The following C2orf69 variants were observed in gnomAD, a reference collection of about 807,000 sequenced individuals.
C2orf69 encodes mitochondrial protein C2orf69.
Under a neutral mutation model 29.5 loss-of-function variants are expected in C2orf69, and 19 were observed. The ratio of observed to expected loss-of-function variants is 0.65; its 90% CI spans 0.45 to 0.95. C2orf69 has a LOEUF of 0.95. C2orf69 is among the 40% of genes least tolerant of loss of function. The pLI is 0.00. For missense variants in C2orf69, 416 were observed against 482.1 expected, an observed-to-expected ratio of 0.86 and a Z score of 1.28; for synonymous variants, 194 against 180.0, an observed-to-expected ratio of 1.08 and a Z score of -0.62.
At chr2:199,921,891 C>A (rs2077317576) in intron 1 of C2orf69, among the ~76,000 whole-genome samples, 1 of 151,232 alleles carries the variant, frequency 6.6e-6, no homozygotes, top group Admixed American at 6.6e-5. Context: ...GTAGTATTTA[C>A]TAGTTTTTAT....
At position 199,925,920 on chromosome 2, in the gene C2orf69, A is replaced by C; in HGVS notation, c.*34A>C. On this transcript the variant is annotated 3_prime_UTR_variant, in exon 2 of 2. Coordinates refer to ENST00000319974, the MANE Select transcript of C2orf69 (RefSeq NM_153689.6). The surrounding 1 kb of genome is among the most constrained non-coding windows in gnomAD (Gnocchi z 4.9). ...GTATATTAATGAACTTGTTCAGTGG[A>C]AGAACATAAGCACTTTTGAGTGTTA... 7.3e-7 allele frequency: 1 copy of C among 1,372,236 alleles called. No homozygotes were observed. Among genetic ancestry groups the C allele is most frequent in the Non-Finnish European group, 1.0e-6 (1 of 980,684 alleles). 85.0% of individuals were successfully genotyped at this position (1,372,236 alleles called of 1,614,324 possible).
chr2:199,922,104 T>C (rs2077319149), intron 1 of C2orf69, among the ~76,000 whole-genome samples: 1 of 143,410 alleles, frequency 7.0e-6, no homozygotes, highest in African/African-American at 2.6e-5. Context: ...ATTCTTTTTC[T>C]CTTTTTTTTG....
At chr2:199,912,763 C>G (rs1480175991) in intron 1 of C2orf69, among the ~76,000 whole-genome samples, 2 of 152,080 alleles carry the variant, frequency 1.3e-5, no homozygotes, top group African/African-American at 4.8e-5. Flanking sequence ...GCCTCAGCCT[C>G]CCGAGTAGCT....
At position 199,927,733 on chromosome 2, in the gene C2orf69, ATTTG is replaced by A. The variant is rs1408639768; in HGVS notation, c.*1851_*1854del. The A allele has an allele frequency of 6.6e-6, 1 of 151,982 alleles. No homozygotes were observed. The highest frequency in any genetic ancestry group is 2.4e-5 in the African/African-American group (1 of 41,392). The allele number at this position is 151,982 out of a possible 1,614,324, so 9.4% of individuals were successfully genotyped here. A position where few individuals can be genotyped will look rare whatever the true frequency, so the allele number is the denominator to read the frequency against. The stretch of plus-strand genomic sequence containing the variant: ...ACTATGATTGGATGGCTTTTTTTCT[ATTTG>A]TTTAATAATCCTTGGCTAAATTCAC... On this transcript the variant is annotated 3_prime_UTR_variant, in exon 2 of 2. Coordinates refer to ENST00000319974, the MANE Select transcript of C2orf69 (RefSeq NM_153689.6).
At chr2:199,924,538 G>T (rs2077328757) in intron 1 of C2orf69, among the ~76,000 whole-genome samples, 1 of 152,168 alleles carries the variant, frequency 6.6e-6, no homozygotes, top group South Asian at 2.1e-4. Context: ...TGTGTACAAA[G>T]AGTTTTCTAT....
intron 1 of C2orf69, among the ~76,000 whole-genome samples, chr2:199,920,166 A>C (rs918792335): frequency 6.6e-6 from 1 of 152,074 alleles, no homozygotes; most frequent in Non-Finnish European, 1.5e-5. Flanking sequence ...TTAGTCTTTA[A>C]CCTTTTCTGT....
At chr2:199,919,432 T>C (rs1020576112) in intron 1 of C2orf69, among the ~76,000 whole-genome samples, 2 of 152,258 alleles carry the variant, frequency 1.3e-5, no homozygotes, top group African/African-American at 4.8e-5. Context: ...CTCCTGGTCA[T>C]GTACCTTGGA....
intron 1 of C2orf69, among the ~76,000 whole-genome samples, chr2:199,916,457 A>G (rs1465443842): frequency 1.3e-5 from 2 of 152,182 alleles, no homozygotes; most frequent in East Asian, 1.9e-4. Context: ...CAGTTCCCCA[A>G]AGTCTTAACT....
In C2orf69 at chr2:199,911,686, G is replaced by T. The variant is rs1350782000; in HGVS notation, c.248G>T (p.Arg83Leu). 1.3e-6 allele frequency: 2 copies of T among 1,546,948 alleles called. No individual in the cohort carries two copies. Among genetic ancestry groups the T allele is most frequent in the East Asian group, 2.4e-5 (1 of 40,902 alleles). The change falls in exon 1 of 2, where the codon CGG becomes CTG. Residue 83 changes from arginine to leucine, a missense_variant. Physicochemically the swap from Arg to Leu is moderately radical, Grantham distance 102. Coordinates refer to ENST00000319974, the MANE Select transcript of C2orf69 (RefSeq NM_153689.6). ...LLAAAGEGLE[R>L]QDLPGDPAKE... The stretch of plus-strand genomic sequence containing the variant: ...GCGGCGGCCGGGGAGGGACTGGAGC[G>T]GCAGGACCTCCCCGGGGACCCAGCG...
At chr2:199,916,675 A>G (rs1422330261) in intron 1 of C2orf69, among the ~76,000 whole-genome samples, 2 of 152,226 alleles carry the variant, frequency 1.3e-5, no homozygotes, top group African/African-American at 2.4e-5. Flanking sequence ...CCGAAATCCA[A>G]TAGGACAGTC....
chr2:199,915,304 G>C (rs976078740), intron 1 of C2orf69, among the ~76,000 whole-genome samples: 1 of 151,780 alleles, frequency 6.6e-6, no homozygotes, highest in African/African-American at 2.4e-5. Flanking sequence ...CTATTTTTTA[G>C]AGAGACAGGG....
At chr2:199,913,816 T>A (rs1355370516) in intron 1 of C2orf69, among the ~76,000 whole-genome samples, 1 of 151,952 alleles carries the variant, frequency 6.6e-6, no homozygotes, top group Non-Finnish European at 1.5e-5. Context: ...ATAATGATGA[T>A]GATAATGATT....
intron 1 of C2orf69, among the ~76,000 whole-genome samples, chr2:199,917,979 T>G (rs2077299792): frequency 6.6e-6 from 1 of 152,196 alleles, no homozygotes. Context: ...AAACATGCCC[T>G]TCTTCATATG....
chr2:199,928,003 TGCCA>T lies in C2orf69; in HGVS notation c.*2118_*2121del, dbSNP rs2077342375. Reference sequence around the variant, plus strand: ...GAGTAAGTCACCAGGTACACAAAACTGCCATCATAGCAAAATGAGACAGTGTTGA... The same window carrying T: ...GAGTAAGTCACCAGGTACACAAAACTTCATAGCAAAATGAGACAGTGTTGA... On this transcript the variant is annotated 3_prime_UTR_variant, in exon 2 of 2. Coordinates refer to ENST00000319974, the MANE Select transcript of C2orf69 (RefSeq NM_153689.6). The T allele has an allele frequency of 6.6e-6, 1 of 152,500 alleles. No homozygotes were observed. The highest frequency in any genetic ancestry group is 1.5e-5 in the Non-Finnish European group (1 of 67,974). 9.4% of individuals were successfully genotyped at this position (152,500 alleles called of 1,614,324 possible). A position where few individuals can be genotyped will look rare whatever the true frequency, so the allele number is the denominator to read the frequency against.
chr2:199,913,400 T>TATG (rs1423142275), intron 1 of C2orf69, among the ~76,000 whole-genome samples: 1,211 of 82,876 alleles, frequency 0.015, 68 homozygotes, highest in Non-Finnish European at 0.022. Flanking sequence ...TAACATATAT[T>TATG]ATATATAATA....
chr2:199,924,916 C>T, intron 1 of C2orf69, 146 bp from the exon 2 acceptor site: 1 of 584,482 alleles, frequency 1.7e-6, no homozygotes. Flanking sequence ...AAAGTAATGA[C>T]AAATTTATAG....
chr2:199,913,179 AAAATTATATATATT>A, intron 1 of C2orf69, among the ~76,000 whole-genome samples: 1 of 114,582 alleles, frequency 8.7e-6, no homozygotes, highest in African/African-American at 3.4e-5. Flanking sequence ...TATTATATAT[AAAATTATATATATT>A]ATATATAATA....
At chr2:199,921,350 G>A (rs888187029) in intron 1 of C2orf69, among the ~76,000 whole-genome samples, 4 of 152,018 alleles carry the variant, frequency 2.6e-5, no homozygotes, top group African/African-American at 9.7e-5. Context: ...ACTAATATTA[G>A]TGAAATGTAA....
At chr2:199,915,975 T>G (rs281789) in intron 1 of C2orf69, among the ~76,000 whole-genome samples, 126,212 of 152,156 alleles carry the variant, frequency 0.83, 52,424 homozygotes, top group South Asian at 0.91. Context: ...TTCTGTACTT[T>G]TCCTTTATCA....
Sources: allele counts gnomAD v4.1 joint callset (sites outside exome capture counted in the v4.1 genomes callset), GRCh38; gene constraint gnomAD v4.1.1; non-coding constraint Gnocchi (gnomAD v3.1); transcripts MANE v1.5; gene names NCBI Gene and HGNC (gene_info 2026-07-23, HGNC 2026-07-21).